Variants in ADORA2B observed in about 807,000 individuals in gnomAD.
The protein encoded by ADORA2B is adenosine A2b receptor, also known as adenosine receptor A2b.
ADORA2B carries 18 observed loss-of-function variants against 20.8 expected under a neutral mutation model. The ratio of observed to expected loss-of-function variants is 0.87; its 90% CI spans 0.60 to 1.29. ADORA2B has a LOEUF of 1.29. Ranked by LOEUF, ADORA2B falls within the 50% of genes most tolerant of loss-of-function variation. The pLI is 0.00. For missense variants in ADORA2B, 441 were observed against 422.7 expected (o/e 1.04, Z -0.38); for synonymous variants, 179 against 178.3 (o/e 1.00, Z -0.03).
chr17:15,922,752 T>C, the ADORA2B span, among the ~76,000 whole-genome samples: 1 of 152,346 alleles, frequency 6.6e-6, no homozygotes, highest in South Asian at 2.1e-4. Flanking sequence ...TGACGGAACA[T>C]GCCAAATTGC....
chr17:15,974,910 G>T lies in ADORA2B; in HGVS notation c.567G>T (p.Gly189=), dbSNP rs772458298. The change falls in exon 2 of 2, where the codon GGG becomes GGT. Residue 189 remains glycine (G), a synonymous_variant. Transcript: ENST00000304222. ...MSYMVYFNFF[G]CVLPPLLIML... ...ACATGGTATATTTCAATTTCTTTGGGTGTGTTCTGCCCCCACTGCTTATAA... is the reference window on the plus strand; with the variant it reads ...ACATGGTATATTTCAATTTCTTTGGTTGTGTTCTGCCCCCACTGCTTATAA... 3.1e-6 allele frequency: 5 copies of T among 1,614,112 alleles called. No individual in the cohort carries two copies. Among genetic ancestry groups the T allele is most frequent in the Non-Finnish European group, 4.2e-6 (5 of 1,180,006 alleles).
chr17:15,934,039 T>G, the ADORA2B span, among the ~76,000 whole-genome samples: 1 of 150,748 alleles, frequency 6.6e-6, no homozygotes. Context: ...TCCATTTCTA[T>G]TTTGTTGATT....
At chr17:15,914,953 T>C in the ADORA2B span, among the ~76,000 whole-genome samples, 1 of 152,256 alleles carries the variant, frequency 6.6e-6, no homozygotes, top group Non-Finnish European at 1.5e-5. Flanking sequence ...GAGTCATGAC[T>C]GCTCACTGTC....
chr17:15,919,929 C>T, the ADORA2B span, among the ~76,000 whole-genome samples: 2 of 152,190 alleles, frequency 1.3e-5, no homozygotes, highest in Non-Finnish European at 2.9e-5. Context: ...GATTGTAATA[C>T]AGACCCAAAG....
chr17:15,931,555 T>C, the ADORA2B span, among the ~76,000 whole-genome samples: 2 of 152,230 alleles, frequency 1.3e-5, no homozygotes, highest in Non-Finnish European at 2.9e-5. Context: ...GATCCAGCTC[T>C]GCTACTTAAC....
At chr17:15,929,034 G>C in the ADORA2B span, among the ~76,000 whole-genome samples, 2 of 152,136 alleles carry the variant, frequency 1.3e-5, no homozygotes, top group African/African-American at 2.4e-5. Flanking sequence ...GGGTGTGGGA[G>C]ACAAAAACAG....
At chr17:15,887,437 G>A in the ADORA2B span, among the ~76,000 whole-genome samples, 2 of 131,052 alleles carry the variant, frequency 1.5e-5, 1 homozygote, top group Admixed American at 1.5e-4. Context: ...GAATAAACAA[G>A]AAGAAAGTTT....
the ADORA2B span, among the ~76,000 whole-genome samples, chr17:15,868,596 C>T: frequency 1.6e-5 from 2 of 124,328 alleles, no homozygotes; most frequent in African/African-American, 2.9e-5. Context: ...CACAGTGAAA[C>T]CCCGTTCTCT....
chr17:15,888,842 ATATATATATTTTTTTTTT>A, the ADORA2B span, among the ~76,000 whole-genome samples: 2 of 17,150 alleles, frequency 1.2e-4, no homozygotes, highest in African/African-American at 9.4e-4. Flanking sequence ...ATATATATAT[ATATATATATTTTTTTTTT>A]TTTTTTTTTT....
At chr17:15,891,079 C>A in the ADORA2B span, among the ~76,000 whole-genome samples, 1 of 152,168 alleles carries the variant, frequency 6.6e-6, no homozygotes, top group African/African-American at 2.4e-5. Flanking sequence ...CCAGCCTGGC[C>A]AACATGGTGA....
chr17:15,867,582 G>GC, the ADORA2B span, among the ~76,000 whole-genome samples: 401 of 147,988 alleles, frequency 2.7e-3, 2 homozygotes, highest in African/African-American at 8.8e-3. Context: ...GCGGGGGTCA[G>GC]CCCCCCGCCC....
the ADORA2B span, among the ~76,000 whole-genome samples, chr17:15,874,062 G>GTATATATATATA: frequency 3.9e-4 from 39 of 99,580 alleles, no homozygotes; most frequent in African/African-American, 1.1e-3. Context: ...ATATATATGT[G>GTATATATATATA]TGTGTGTATA....
At chr17:15,901,652 G>C in the ADORA2B span, among the ~76,000 whole-genome samples, 1 of 152,118 alleles carries the variant, frequency 6.6e-6, no homozygotes, top group South Asian at 2.1e-4. Flanking sequence ...CAGCTCCTAG[G>C]CAAGAGGCAA....
At chr17:15,904,788 A>C in the ADORA2B span, among the ~76,000 whole-genome samples, 1 of 152,200 alleles carries the variant, frequency 6.6e-6, no homozygotes, top group Non-Finnish European at 1.5e-5. Context: ...ATGGGCATCC[A>C]GTTATTTCAA....
chr17:15,862,882 C>T, the ADORA2B span, among the ~76,000 whole-genome samples: 1 of 151,564 alleles, frequency 6.6e-6, no homozygotes, highest in Admixed American at 6.6e-5. Context: ...CTGCGTCAGC[C>T]TCCTAAGTAG....
the ADORA2B span, among the ~76,000 whole-genome samples, chr17:15,910,851 C>G: frequency 6.6e-6 from 1 of 152,150 alleles, no homozygotes; most frequent in Admixed American, 6.5e-5. Flanking sequence ...TCAGTGGATC[C>G]CTGAGTCTCA....
the ADORA2B span, among the ~76,000 whole-genome samples, chr17:15,914,347 C>A: frequency 6.6e-5 from 10 of 152,124 alleles, no homozygotes; most frequent in African/African-American, 2.2e-4. Context: ...CAGATGCATG[C>A]CATCACACCC....
the ADORA2B span, among the ~76,000 whole-genome samples, chr17:15,898,750 C>T: frequency 1.3e-5 from 2 of 152,100 alleles, no homozygotes; most frequent in East Asian, 3.9e-4. Flanking sequence ...AGATCATGTT[C>T]TTAATTGTCA....
At chr17:15,901,684 G>C in the ADORA2B span, among the ~76,000 whole-genome samples, 3 of 152,130 alleles carry the variant, frequency 2.0e-5, no homozygotes, top group African/African-American at 7.2e-5. Flanking sequence ...CAGCTCCAGA[G>C]CCCATGCCCT....
Sources: allele counts gnomAD v4.1 joint callset (sites outside exome capture counted in the v4.1 genomes callset), GRCh38; gene constraint gnomAD v4.1.1; transcripts MANE v1.5; gene names NCBI Gene and HGNC (gene_info 2026-07-23, HGNC 2026-07-21).